Variants in CCDC171 observed in about 807,000 individuals in gnomAD.
The protein encoded by CCDC171 is coiled-coil domain-containing protein 171.
Under a neutral mutation model 168.2 loss-of-function variants are expected in CCDC171, and 177 were observed. The ratio of observed to expected loss-of-function variants is 1.05; its 90% CI spans 0.93 to 1.19. The LOEUF is 1.19. Among genes scored for constraint, CCDC171 ranks in the 50% most tolerant of loss-of-function variants. The pLI is 0.00. For synonymous variants in CCDC171, 687 were observed against 540.8 expected (o/e 1.27, Z -3.75); for missense variants, 1,991 against 1,539.0 (o/e 1.29, Z -4.91).
At chr9:15,627,979 C>T (rs997070446) in intron 7 of CCDC171, among the ~76,000 whole-genome samples, 1 of 152,040 alleles carries the variant, frequency 6.6e-6, no homozygotes, top group Admixed American at 6.6e-5. Flanking sequence ...CCCTAAGAAT[C>T]ATGGGTTTAG....
At chr9:15,653,292 A>G (rs1248812318) in intron 7 of CCDC171, among the ~76,000 whole-genome samples, 1 of 151,856 alleles carries the variant, frequency 6.6e-6, no homozygotes, top group Non-Finnish European at 1.5e-5. Flanking sequence ...GGTGCACATC[A>G]CCATGCCTGG....
intron 7 of CCDC171, among the ~76,000 whole-genome samples, chr9:15,625,720 C>A (rs1211146839): frequency 6.6e-6 from 1 of 152,120 alleles, no homozygotes; most frequent in African/African-American, 2.4e-5. Flanking sequence ...GTTACTGTAG[C>A]CTTGTATTAT....
chr9:15,824,168 A>G lies in CCDC171; in HGVS notation c.3268-22534A>G, dbSNP rs558532047. 6.8e-4 allele frequency among the ~76,000 whole-genome samples: 104 copies of G among 152,162 alleles called. 1 individual carries two copies. Among genetic ancestry groups the G allele is most frequent in the African/African-American group, 2.5e-3 (104 of 41,550 alleles). On this transcript the variant is annotated intron_variant, in intron 21 of 25. Transcript: ENST00000380701. Reference sequence around the variant, plus strand: ...ATATTGGCTTTTCACTTCTGAAATCATGTATCTATGTTTATCTGTATAGAC... The same window carrying G: ...ATATTGGCTTTTCACTTCTGAAATCGTGTATCTATGTTTATCTGTATAGAC...
At chr9:15,830,035 A>G (rs2060166069) in intron 21 of CCDC171, among the ~76,000 whole-genome samples, 1 of 152,220 alleles carries the variant, frequency 6.6e-6, no homozygotes, top group African/African-American at 2.4e-5. Flanking sequence ...TCAGTAGCGA[A>G]GTTGGTGTGC....
At chr9:16,032,906 T>C (rs1833389175) in intron 6 of CCDC171, among the ~76,000 whole-genome samples, 1 of 152,178 alleles carries the variant, frequency 6.6e-6, no homozygotes, top group Non-Finnish European at 1.5e-5. Flanking sequence ...GGGCCTGGAT[T>C]CCAGGTTTAA....
At chr9:15,779,532 G>C (rs917234096) in intron 20 of CCDC171, among the ~76,000 whole-genome samples, 16 of 151,946 alleles carry the variant, frequency 1.1e-4, no homozygotes, top group Non-Finnish European at 1.9e-4. Context: ...GCTAATTTTT[G>C]TATTTTTAGT....
rs187702624 is a variant in CCDC171, at chr9:15,589,986, A to G, written c.353-1380A>G. On this transcript the variant is annotated intron_variant, in intron 4 of 25. Transcript: ENST00000380701. ...ATGAATTACCAGATTGAAAGAGTCT[A>G]TTGAATATTTACCGTTATGGAAAGA... 2.3e-3 allele frequency among the ~76,000 whole-genome samples: 352 copies of G among 152,334 alleles called. 2 individuals carry two copies. Among genetic ancestry groups the G allele is most frequent in the African/African-American group, 8.2e-3 (340 of 41,586 alleles).
intron 21 of CCDC171, among the ~76,000 whole-genome samples, chr9:15,828,267 A>G (rs2060095236): frequency 6.6e-6 from 1 of 152,016 alleles, no homozygotes; most frequent in African/African-American, 2.4e-5. Flanking sequence ...GAAAGCATGA[A>G]AGGAAGAGCA....
intron 21 of CCDC171, among the ~76,000 whole-genome samples, chr9:15,812,526 A>G (rs77022308): frequency 0.018 from 2,728 of 152,294 alleles, 96 homozygotes; most frequent in African/African-American, 0.062. Flanking sequence ...AATATTTGAA[A>G]GTAAGAAAAG....
At chr9:15,571,870 TTAA>T (rs2040250235) in intron 3 of CCDC171, 111 bp downstream of exon 3, 2 of 923,394 alleles carry the variant, frequency 2.2e-6, no homozygotes, top group Admixed American at 6.7e-5. Context: ...ATTCTTGGGC[TTAA>T]AAAGGAAATT....
intron 24 of CCDC171, among the ~76,000 whole-genome samples, chr9:15,902,192 T>C (rs1821766416): frequency 1.3e-5 from 2 of 151,498 alleles, no homozygotes; most frequent in African/African-American, 4.8e-5. Flanking sequence ...TGTTTGGAAA[T>C]ATTTCCAGAA....
the CCDC171 span, among the ~76,000 whole-genome samples, chr9:16,078,583 A>G: frequency 2.0e-5 from 3 of 152,176 alleles, no homozygotes; most frequent in Admixed American, 1.3e-4. Context: ...CCAGGGGTCA[A>G]TCTTCAATAC....
intron 18 of CCDC171, among the ~76,000 whole-genome samples, chr9:15,751,999 C>A (rs1032085412): frequency 1.3e-5 from 2 of 151,904 alleles, no homozygotes; most frequent in African/African-American, 4.8e-5. Context: ...AAAATTTTTG[C>A]AATTTATCCA....
intron 18 of CCDC171, among the ~76,000 whole-genome samples, chr9:15,753,064 T>C (rs2055864918): frequency 6.6e-6 from 1 of 152,130 alleles, no homozygotes; most frequent in African/African-American, 2.4e-5. Flanking sequence ...AATGTGTGAA[T>C]TGGTCTGACG....
At chr9:15,643,815 A>G (rs899860584) in intron 7 of CCDC171, among the ~76,000 whole-genome samples, 3 of 152,182 alleles carry the variant, frequency 2.0e-5, no homozygotes, top group Non-Finnish European at 4.4e-5. Flanking sequence ...TATCAATGAA[A>G]TCATACAGCA....
At chr9:15,846,421 TA>T (rs1389029965) in intron 21 of CCDC171, among the ~76,000 whole-genome samples, 1 of 152,172 alleles carries the variant, frequency 6.6e-6, no homozygotes, top group Non-Finnish European at 1.5e-5. Flanking sequence ...TTGAGATTTT[TA>T]TAATCAGATT....
chr9:15,752,249 AAAC>A (rs1415887202), intron 18 of CCDC171, among the ~76,000 whole-genome samples: 1 of 152,190 alleles, frequency 6.6e-6, no homozygotes, highest in African/African-American at 2.4e-5. Flanking sequence ...AAAAGTCAGG[AAAC>A]AACAGATGCT....
chr9:15,781,084 A>G lies in CCDC171; in HGVS notation c.3081+1934A>G, dbSNP rs139781113. On this transcript the variant is annotated intron_variant, in intron 20 of 25. Coordinates refer to ENST00000380701, the MANE Select transcript of CCDC171 (RefSeq NM_173550.4). ...TCAACTGTATTTAGATTTAGATAAT[A>G]ATGGCTTTTGTAAAAACTGGAAAAT... Among the ~76,000 whole-genome samples the G allele has an allele frequency of 7.6e-4, 116 of 152,338 alleles. No individual in the cohort carries two copies. In the East Asian group the frequency reaches 0.011, roughly 15 times the overall value.
chr9:15,673,799 C>G (rs2049307371), intron 9 of CCDC171, among the ~76,000 whole-genome samples: 2 of 152,166 alleles, frequency 1.3e-5, no homozygotes, highest in African/African-American at 2.4e-5. Context: ...TGATATTGGT[C>G]TAAAATTCTC....
Sources: gnomAD v4.1 joint callset for allele counts (sites outside exome capture counted in the v4.1 genomes callset) on GRCh38, gnomAD v4.1.1 for gene constraint, MANE v1.5 for transcripts, NCBI Gene and HGNC (gene_info 2026-07-23, HGNC 2026-07-21) for gene names.